FBXL7: variants seen among roughly 807,000 people sequenced by gnomAD.
FBXL7 encodes the protein F-box and leucine rich repeat protein 7.
A neutral mutation model predicts 38.3 loss-of-function variants in FBXL7; 12 were observed. The observed-to-expected ratio is 0.31, with a 90% confidence interval of 0.20 to 0.51. The LOEUF is 0.51. Ranked by LOEUF, FBXL7 falls within the 20% of genes least tolerant of loss-of-function variation. FBXL7 has a pLI of 0.98. For synonymous variants in FBXL7, 297 were observed against 300.9 expected (o/e 0.99, Z 0.13); for missense variants, 567 against 676.4 (o/e 0.84, Z 1.79).
intron 2 of FBXL7, among the ~76,000 whole-genome samples, chr5:15,768,008 A>G (rs764401173): frequency 2.0e-5 from 3 of 152,170 alleles, no homozygotes; most frequent in Non-Finnish European, 2.9e-5. Context: ...TATCTCTTCA[A>G]CTTCATAATA....
intron 2 of FBXL7, among the ~76,000 whole-genome samples, chr5:15,829,374 TAA>T (rs374452376): frequency 1.3e-4 from 20 of 152,334 alleles, no homozygotes; most frequent in African/African-American, 4.6e-4. Context: ...AATTTTTAAA[TAA>T]GTCTTCTTAT....
chr5:15,545,764 G>A (rs535154472), intron 1 of FBXL7, among the ~76,000 whole-genome samples: 1 of 152,314 alleles, frequency 6.6e-6, no homozygotes, highest in South Asian at 2.1e-4. Flanking sequence ...TTAGCTAATT[G>A]TGCAACAGAG....
chr5:15,763,408 G>A (rs538336619), intron 2 of FBXL7, among the ~76,000 whole-genome samples: 4 of 152,254 alleles, frequency 2.6e-5, no homozygotes, highest in South Asian at 4.1e-4. Flanking sequence ...TTTTTGAAAC[G>A]TAAGAAGATA....
At chr5:15,529,534 C>T (rs960724868) in intron 1 of FBXL7, among the ~76,000 whole-genome samples, 5 of 151,868 alleles carry the variant, frequency 3.3e-5, no homozygotes, top group Admixed American at 1.3e-4. Flanking sequence ...TACAGGTGCC[C>T]GCCACCATGC....
At chr5:15,600,064 G>C (rs1254413317) in intron 1 of FBXL7, among the ~76,000 whole-genome samples, 2 of 152,226 alleles carry the variant, frequency 1.3e-5, no homozygotes, top group East Asian at 3.9e-4. Flanking sequence ...GCTCAAATGA[G>C]CTTCATGCTG....
intron 2 of FBXL7, among the ~76,000 whole-genome samples, chr5:15,847,535 C>T (rs1738946912): frequency 6.6e-6 from 1 of 152,132 alleles, no homozygotes; most frequent in Non-Finnish European, 1.5e-5. Flanking sequence ...AATATCTGTC[C>T]TCTGTGTACA....
intron 2 of FBXL7, among the ~76,000 whole-genome samples, chr5:15,702,966 T>G (rs1743576382): frequency 6.6e-6 from 1 of 152,236 alleles, no homozygotes; most frequent in South Asian, 2.1e-4. Flanking sequence ...GTAGGGGAGC[T>G]TCTGAGCCAG....
At chr5:15,789,503 C>A (rs1737219279) in intron 2 of FBXL7, among the ~76,000 whole-genome samples, 1 of 152,192 alleles carries the variant, frequency 6.6e-6, no homozygotes, top group Non-Finnish European at 1.5e-5. Context: ...AGCACAGACA[C>A]AGGGCAGCGT....
Position 15,516,976 on chromosome 5 carries a change from C to T in FBXL7, c.37+16263C>T, listed in dbSNP as rs533569114. Reference sequence around the variant, plus strand: ...TATGTCTTTATTAGCAGCGTGAGAACGGACTAATACATAGATATTGGGTTT... The same window carrying T: ...TATGTCTTTATTAGCAGCGTGAGAATGGACTAATACATAGATATTGGGTTT... On this transcript the variant is annotated intron_variant, in intron 1 of 3. Coordinates refer to ENST00000504595, the MANE Select transcript of FBXL7 (RefSeq NM_012304.5). 4.6e-5 allele frequency among the ~76,000 whole-genome samples: 7 copies of T among 151,984 alleles called. No homozygotes were observed. In the South Asian group the frequency reaches 1.5e-3, roughly 32 times the overall value.
At chr5:15,920,812 C>T (rs552316600) in intron 2 of FBXL7, among the ~76,000 whole-genome samples, 14 of 152,098 alleles carry the variant, frequency 9.2e-5, no homozygotes, top group Non-Finnish European at 1.9e-4. Flanking sequence ...TGAGGCACCA[C>T]GCTCAGCCTC....
chr5:15,689,256 GTTTAT>G (rs907646878), intron 2 of FBXL7, among the ~76,000 whole-genome samples: 3 of 135,784 alleles, frequency 2.2e-5, no homozygotes, highest in Admixed American at 7.8e-5. Flanking sequence ...CTTGTCATCA[GTTTAT>G]TTTCAGTTTT....
At chr5:15,861,933 A>G (rs1014152363) in intron 2 of FBXL7, among the ~76,000 whole-genome samples, 1 of 152,250 alleles carries the variant, frequency 6.6e-6, no homozygotes, top group African/African-American at 2.4e-5. Context: ...GACTTCATTT[A>G]ATTGTTTATT....
intron 1 of FBXL7, among the ~76,000 whole-genome samples, chr5:15,510,078 T>G (rs767567192): frequency 6.6e-5 from 10 of 152,226 alleles, no homozygotes; most frequent in Non-Finnish European, 1.3e-4. Context: ...GTGAATTACA[T>G]TTACTCATTC....
intron 2 of FBXL7, among the ~76,000 whole-genome samples, chr5:15,899,069 A>G (rs1288981684): frequency 6.6e-6 from 1 of 152,052 alleles, no homozygotes; most frequent in Non-Finnish European, 1.5e-5. Context: ...TACAAAATAT[A>G]TATATATATT....
At chr5:15,906,528 T>A (rs995375260) in intron 2 of FBXL7, among the ~76,000 whole-genome samples, 24 of 148,918 alleles carry the variant, frequency 1.6e-4, no homozygotes, top group East Asian at 2.0e-4. Flanking sequence ...TTTTTTTTTT[T>A]ATTATACTCT....
At chr5:15,572,675 G>A (rs1561033185) in intron 1 of FBXL7, among the ~76,000 whole-genome samples, 1 of 152,106 alleles carries the variant, frequency 6.6e-6, no homozygotes, top group Non-Finnish European at 1.5e-5. Context: ...GGTGGAGATG[G>A]GCCCATGTCA....
chr5:15,844,791 C>A (rs547178318), intron 2 of FBXL7, among the ~76,000 whole-genome samples: 1 of 152,130 alleles, frequency 6.6e-6, no homozygotes, highest in South Asian at 2.1e-4. Context: ...GACAGGGAAC[C>A]CATGCTTCCA....
At chr5:15,835,321 A>G (rs1424582132) in intron 2 of FBXL7, among the ~76,000 whole-genome samples, 5 of 152,356 alleles carry the variant, frequency 3.3e-5, no homozygotes, top group South Asian at 4.1e-4. Flanking sequence ...TGCAAGAAGA[A>G]ATTAAGAGAA....
At chr5:15,925,152 G>A (rs1164914960) in intron 2 of FBXL7, among the ~76,000 whole-genome samples, 4 of 152,156 alleles carry the variant, frequency 2.6e-5, no homozygotes, top group Non-Finnish European at 5.9e-5. Context: ...ATATATAGCA[G>A]GTGCGCAAAT....
Sources: allele counts gnomAD v4.1 joint callset (sites outside exome capture counted in the v4.1 genomes callset), GRCh38; gene constraint gnomAD v4.1.1; transcripts MANE v1.5; gene names NCBI Gene and HGNC (gene_info 2026-07-23, HGNC 2026-07-21).